Variants in DMD observed in about 807,000 individuals in gnomAD.
DMD encodes the protein mutant dystrophin.
A neutral mutation model predicts 330.1 loss-of-function variants in DMD; 63 were observed. The ratio of observed to expected loss-of-function variants is 0.19; its 90% CI spans 0.16 to 0.24. The LOEUF (loss-of-function observed/expected upper bound fraction) is 0.24. DMD is among the 10% of genes least tolerant of loss of function. The pLI is 1.00. For missense variants in DMD, 3,344 were observed against 2,684.1 expected (o/e 1.25, Z -5.43); for synonymous variants, 1,223 against 959.8 (o/e 1.27, Z -5.07).
intron 30 of DMD, among the ~76,000 whole-genome samples, chrX:32,400,989 T>C (rs2098082499): frequency 9.0e-6 from 1 of 110,785 alleles, no homozygotes; most frequent in Admixed American, 9.6e-5. Flanking sequence ...CACCTTGGAA[T>C]ACTATGCAGC....
intron 7 of DMD, among the ~76,000 whole-genome samples, chrX:32,787,673 T>G (rs1037545158): frequency 2.7e-5 from 3 of 111,024 alleles, no homozygotes; most frequent in Non-Finnish European, 3.8e-5. Context: ...GTTACGTGAA[T>G]GTGGACTCTC....
At chrX:32,212,900 G>GA (rs1383578865) in intron 44 of DMD, among the ~76,000 whole-genome samples, 3 of 110,183 alleles carry the variant, frequency 2.7e-5, no homozygotes, top group Admixed American at 9.8e-5. Context: ...TGCGACAGAG[G>GA]AAAAAAAATA....
chrX:31,212,349 T>C (rs1208117640), intron 64 of DMD, among the ~76,000 whole-genome samples: 1 of 109,724 alleles, frequency 9.1e-6, no homozygotes, highest in African/African-American at 3.3e-5. Flanking sequence ...GGTGGTACCC[T>C]ATGCATGAGG....
chrX:31,925,542 T>A lies in DMD; in HGVS notation c.6912+4054A>T, dbSNP rs1011418118. Among the ~76,000 whole-genome samples the A allele has an allele frequency of 2.7e-5, 3 of 111,384 alleles. No homozygotes were observed. In the Admixed American group the frequency reaches 2.9e-4, roughly 11 times the overall value. On this transcript the variant is annotated intron_variant, in intron 47 of 78. Transcript: ENST00000357033. Reference sequence around the variant, plus strand: ...GAAGAGAATGTGTTACATAAACAACTGGGGCAGAAAAAGAGTGGCAAATAT... The same window carrying A: ...GAAGAGAATGTGTTACATAAACAACAGGGGCAGAAAAAGAGTGGCAAATAT...
At chrX:33,167,852 G>A (rs2049133124) in intron 1 of DMD, among the ~76,000 whole-genome samples, 1 of 110,879 alleles carries the variant, frequency 9.0e-6, no homozygotes, top group Non-Finnish European at 1.9e-5. Flanking sequence ...ACCATTCAGT[G>A]TCTTAAATTC....
chrX:31,725,268 A>G (rs1305113272), intron 52 of DMD, among the ~76,000 whole-genome samples: 2 of 111,282 alleles, frequency 1.8e-5, no homozygotes, highest in African/African-American at 6.5e-5. Context: ...GATAATAAAA[A>G]TTTTGCAGTA....
chrX:31,688,889 T>C (rs942936822), intron 52 of DMD, among the ~76,000 whole-genome samples: 6 of 111,960 alleles, frequency 5.4e-5, no homozygotes, highest in African/African-American at 1.6e-4. Context: ...TCTCAATAGA[T>C]GCAGAAAAGG....
At chrX:32,949,975 A>ATCCAGTGT (rs1306648100) in intron 2 of DMD, among the ~76,000 whole-genome samples, 210 of 110,177 alleles carry the variant, frequency 1.9e-3, no homozygotes, top group Middle Eastern at 0.014. Flanking sequence ...CAAAAAAAAA[A>ATCCAGTGT]AAAAAAATAG....
intron 44 of DMD, among the ~76,000 whole-genome samples, chrX:32,111,450 G>C (rs1428597984): frequency 8.9e-6 from 1 of 111,950 alleles, no homozygotes; most frequent in African/African-American, 3.2e-5. Flanking sequence ...TTGTTACAGA[G>C]ATAAGCCATG....
At chrX:32,014,679 C>T (rs2095745830) in intron 44 of DMD, among the ~76,000 whole-genome samples, 1 of 111,862 alleles carries the variant, frequency 8.9e-6, no homozygotes, top group South Asian at 3.7e-4. Context: ...GTTCAATAAA[C>T]ACTTGCCATT....
intron 47 of DMD, among the ~76,000 whole-genome samples, chrX:31,885,386 G>A (rs1177826224): frequency 5.4e-5 from 6 of 110,254 alleles, no homozygotes; most frequent in South Asian, 7.7e-4. Context: ...CGAGGCGGGC[G>A]GATCATAAGG....
At chrX:32,155,909 G>A in intron 44 of DMD, among the ~76,000 whole-genome samples, 1 of 109,073 alleles carries the variant, frequency 9.2e-6, no homozygotes, top group East Asian at 2.9e-4. Flanking sequence ...AGTAAAAAAT[G>A]CAAGGTTTGC....
rs775786454 is a variant in DMD at position 33,062,897 on chromosome X, A to C, written c.32-42697T>G. Among the ~76,000 whole-genome samples, 116 of 112,436 alleles carry C rather than the reference A, an allele frequency of 1.0e-3. 1 individual carries two copies. The highest frequency in any genetic ancestry group is 3.1e-3 in the African/African-American group (95 of 31,000). On this transcript the variant is annotated intron_variant, in intron 1 of 78. Coordinates refer to ENST00000357033, the MANE Select transcript of DMD (RefSeq NM_004006.3). ...TTGCAATCATCAATAAACATATGAC[A>C]TATCTCTACTAACAAGCAGATTGGA...
intron 62 of DMD, among the ~76,000 whole-genome samples, chrX:31,290,963 G>A (rs1437257625): frequency 9.0e-6 from 1 of 111,625 alleles, no homozygotes; most frequent in Non-Finnish European, 1.9e-5. Context: ...TAACATTTAA[G>A]GAAAAATAAG....
intron 2 of DMD, among the ~76,000 whole-genome samples, chrX:32,866,151 C>T: frequency 8.9e-6 from 1 of 111,874 alleles, no homozygotes; most frequent in East Asian, 2.8e-4. Flanking sequence ...GTCAAGTTGC[C>T]CTAGTTGTCC....
At chrX:32,399,379 A>T (rs2098069473) in intron 30 of DMD, among the ~76,000 whole-genome samples, 2 of 112,011 alleles carry the variant, frequency 1.8e-5, no homozygotes. Flanking sequence ...GAGCTCAAAC[A>T]ACTCTATAGG....
chrX:31,573,498 A>T (rs765548260), intron 55 of DMD, among the ~76,000 whole-genome samples: 1 of 111,752 alleles, frequency 8.9e-6, no homozygotes, highest in African/African-American at 3.2e-5. Context: ...AAATATGTTC[A>T]TACAAGGTTG....
chrX:31,402,902 G>C (rs1467200985), intron 60 of DMD, among the ~76,000 whole-genome samples: 1 of 111,190 alleles, frequency 9.0e-6, no homozygotes, highest in Non-Finnish European at 1.9e-5. Flanking sequence ...GGGAAATGAA[G>C]AAATATGAAG....
intron 2 of DMD, among the ~76,000 whole-genome samples, chrX:32,961,353 G>A (rs1301509216): frequency 9.0e-6 from 1 of 110,801 alleles, no homozygotes; most frequent in East Asian, 2.8e-4. Context: ...TTTAACCTCA[G>A]CATTCAATTA....
Sources: gnomAD v4.1 joint callset for allele counts (sites outside exome capture counted in the v4.1 genomes callset) on GRCh38, gnomAD v4.1.1 for gene constraint, MANE v1.5 for transcripts, NCBI Gene and HGNC (gene_info 2026-07-23, HGNC 2026-07-21) for gene names.